Variants in TARS2 observed in about 807,000 individuals in gnomAD.
TARS2 encodes threonyl-tRNA synthetase 2, mitochondrial, also known as threonine--tRNA ligase, mitochondrial.
In TARS2, 61 loss-of-function variants were observed where a neutral mutation model predicts 94.4. The observed-to-expected ratio is 0.65, with a 90% CI of 0.53 to 0.80. The LOEUF (loss-of-function observed/expected upper bound fraction) is 0.80. TARS2 is among the 30% of genes least tolerant of loss of function. The pLI is 0.00. For missense variants in TARS2, 704 were observed against 902.5 expected (o/e 0.78, Z 2.82); for synonymous variants, 359 against 353.4 (o/e 1.02, Z -0.18).
At chr1:150,493,006 C>T (rs916282410) in intron 7 of TARS2, among the ~76,000 whole-genome samples, 3 of 151,578 alleles carry the variant, frequency 2.0e-5, no homozygotes, top group Non-Finnish European at 4.4e-5. Flanking sequence ...CTTCAGCCTC[C>T]CGAGTAGCTG....
Position 150,496,583 on chromosome 1 carries a change from A to T in TARS2, c.876A>T (p.Ala292=), listed in dbSNP as rs1669672771. ...PTTELLRVWE[A]WREEAELRDH... is the part of the protein sequence containing the mutation. ...CAGAATTGCTGAGGGTCTGGGAAGC[A>T]TGGAGGGAGGAAGCAGAATTGCGGG... The change falls in exon 8 of 18, where the codon GCA becomes GCT. Residue 292 remains alanine, a synonymous_variant. Transcript: ENST00000369064. 2 of 1,614,084 alleles carry T rather than the reference A, an allele frequency of 1.2e-6. No individual in the cohort carries two copies. The highest frequency in any genetic ancestry group is 2.7e-5 in the African/African-American group (2 of 75,028).
chr1:150,494,587 A>G (rs12023378), intron 7 of TARS2, among the ~76,000 whole-genome samples: 47,247 of 151,804 alleles, frequency 0.31, 8,424 homozygotes, highest in Non-Finnish European at 0.4. Flanking sequence ...TAAAAATAAA[A>G]AATTAGCTGG....
At chr1:150,489,496 C>T (rs1669286066) in intron 3 of TARS2, among the ~76,000 whole-genome samples, 1 of 152,050 alleles carries the variant, frequency 6.6e-6, no homozygotes, top group South Asian at 2.1e-4. Context: ...CAGACCTTGC[C>T]TATTAGGATC....
At chr1:150,489,137 T>C (rs587758564) in intron 3 of TARS2, 50 bp downstream of exon 3, 13 of 1,612,752 alleles carry the variant, frequency 8.1e-6, no homozygotes, top group East Asian at 2.2e-5. Context: ...CCAAGAGATA[T>C]TGAAGCAGGA....
rs116476409 is a variant in TARS2 at position 150,498,580 on chromosome 1, C to G, written c.1317C>G (p.Ala439=). 1 of 1,610,782 alleles carries G rather than the reference C, an allele frequency of 6.2e-7. No homozygotes were observed. The highest frequency in any genetic ancestry group is 8.5e-7 in the Non-Finnish European group (1 of 1,179,154). Residue 439 remains alanine (A), a synonymous_variant, in exon 11 of 18, where the codon GCC becomes GCG. Coordinates refer to ENST00000369064, the MANE Select transcript of TARS2 (RefSeq NM_025150.5). ...CTGACTTTGGGGCTCTACACCGGGC[C>G]GAAGCCTCTGGTGGTCTGGGGGGAC... The part of the protein sequence containing the change: ...RLADFGALHR[A]EASGGLGGLT...
At chr1:150,505,498 C>A in intron 16 of TARS2, 93 bp from the exon 17 acceptor site, 1 of 1,125,338 alleles carries the variant, frequency 8.9e-7, no homozygotes, top group Non-Finnish European at 1.3e-6. Flanking sequence ...AAAGGAGGAA[C>A]AGATGGGGGC....
chr1:150,499,562 C>T (rs904148855), intron 13 of TARS2, among the ~76,000 whole-genome samples: 3 of 152,072 alleles, frequency 2.0e-5, no homozygotes, highest in Non-Finnish European at 2.9e-5. Context: ...GATGGGGTTT[C>T]GCCATGTTGG....
chr1:150,491,961 GTTTTT>G (rs367685337), intron 6 of TARS2: 15 of 128,734 alleles, frequency 1.2e-4, no homozygotes, highest in East Asian at 6.9e-4. Context: ...TGCCTGGCTA[GTTTTT>G]TTTTTTTTTT....
chr1:150,496,971 A>G, intron 9 of TARS2, 63 bp downstream of exon 9: 1 of 1,526,872 alleles, frequency 6.5e-7, no homozygotes, highest in Non-Finnish European at 9.0e-7. Context: ...AGAAGAAGCT[A>G]AGGTGTTTGT....
intron 14 of TARS2, 57 bp from the exon 15 acceptor site, chr1:150,504,575 G>A: frequency 6.3e-7 from 1 of 1,592,448 alleles, no homozygotes; most frequent in South Asian, 1.1e-5. Context: ...GTGATCTTGG[G>A]TACACAATTC....
rs997723395 is a variant in TARS2, at chr1:150,507,118, A to G, written c.*54A>G. On this transcript the variant is annotated 3_prime_UTR_variant, in exon 18 of 18. Coordinates refer to ENST00000369064, the MANE Select transcript of TARS2 (RefSeq NM_025150.5). The stretch of plus-strand genomic sequence containing the variant: ...TGCGAGTGCCATCAGCCTCCCTCAC[A>G]TGGGAGACCCCAACCCAGCTGACAA... 24 of 1,604,716 alleles carry G rather than the reference A, an allele frequency of 1.5e-5. No individual in the cohort carries two copies. The highest frequency in any genetic ancestry group is 2.1e-4 in the Middle Eastern group (1 of 4,844).
intron 13 of TARS2, among the ~76,000 whole-genome samples, chr1:150,501,810 CT>C (rs1217901706): frequency 2.0e-5 from 3 of 151,970 alleles, no homozygotes; most frequent in Non-Finnish European, 4.4e-5. Flanking sequence ...GAACAAAACC[CT>C]GTCTCAATAA....
At position 150,505,611 on chromosome 1, in the gene TARS2, T is replaced by C; in HGVS notation, c.1914T>C (p.Ala638=). The C allele has an allele frequency of 6.2e-7, 1 of 1,614,128 alleles. No homozygotes were observed. The highest frequency in any genetic ancestry group is 8.5e-7 in the Non-Finnish European group (1 of 1,179,996). The change falls in exon 17 of 18, where the codon GCT becomes GCC. Residue 638 remains alanine (A), a synonymous_variant. Transcript: ENST00000369064. ...YAKEAQQSLR[A]AGLVSDLDAD... ...TGCAGGCACAGCAGAGCCTGCGGGC[T>C]GCAGGACTGGTCAGTGACCTGGATG... is the stretch of plus-strand genomic sequence containing the variant.
At position 150,504,613 on chromosome 1, in the gene TARS2, C is replaced by CG. The variant is rs1670113869; in HGVS notation, c.1719-19_1719-18insG. On this transcript the variant is annotated intron_variant, in intron 14 of 17. Coordinates refer to ENST00000369064, the MANE Select transcript of TARS2 (RefSeq NM_025150.5). ...GATACTTCCACCATTCCATCCACCCCCCCCTTTTTCCTTTCAAGGCAGGCG... is the reference window on the plus strand; with the variant it reads ...GATACTTCCACCATTCCATCCACCCCGCCCCTTTTTCCTTTCAAGGCAGGCG... 6.2e-7 allele frequency: 1 copy of CG among 1,611,538 alleles called. No individual in the cohort carries two copies. Among genetic ancestry groups the CG allele is most frequent in the African/African-American group, 1.3e-5 (1 of 74,856 alleles).
At chr1:150,505,788 TTTGGGTTAA>T in intron 17 of TARS2, 83 bp downstream of exon 17, 1 of 1,336,340 alleles carries the variant, frequency 7.5e-7, no homozygotes, top group Non-Finnish European at 1.0e-6. Context: ...GTAATGCATA[TTTGGGTTAA>T]TTGGGGCTCA....
chr1:150,505,619 T>TG lies in TARS2; in HGVS notation c.1924dup (p.Val642GlyfsTer3). The TG allele has an allele frequency of 6.2e-7, 1 of 1,614,182 alleles. No homozygotes were observed. The highest frequency in any genetic ancestry group is 8.5e-7 in the Non-Finnish European group (1 of 1,180,036). The stretch of plus-strand genomic sequence containing the variant: ...CAGCAGAGCCTGCGGGCTGCAGGAC[T>TG]GGTCAGTGACCTGGATGCAGACTCT... On this transcript the variant is annotated frameshift_variant, in exon 17 of 18. Transcript: ENST00000369064. LOFTEE classifies it high-confidence loss of function.
chr1:150,498,502 C>G lies in TARS2; in HGVS notation c.1239C>G (p.Cys413Trp). The G allele has an allele frequency of 6.4e-7, 1 of 1,574,422 alleles. No individual in the cohort carries two copies. The highest frequency in any genetic ancestry group is 1.4e-5 in the African/African-American group (1 of 72,942). The change falls in exon 11 of 18, where the codon TGC (cysteine) becomes TGG (tryptophan). Residue 413 changes from cysteine (C) to tryptophan (W), a missense_variant and splice_region_variant. Transcript: ENST00000369064. The stretch of plus-strand genomic sequence containing the variant: ...TGACCCCTCTGCACCCCAACCTCAG[C>G]CTGATGTTCGCCCACCGGCCCAGAT... ...ALKPMNCPAHCLMFAHRPRSW... is the reference protein window; with the variant it reads ...ALKPMNCPAHWLMFAHRPRSW...
At position 150,504,723 on chromosome 1, in the gene TARS2, G is replaced by A. The variant is rs765061659; in HGVS notation, c.1810G>A (p.Gly604Arg). 10 of 1,614,026 alleles carry A rather than the reference G, an allele frequency of 6.2e-6. No individual in the cohort carries two copies. The highest frequency in any genetic ancestry group is 3.3e-5 in the South Asian group (3 of 91,082). The change falls in exon 15 of 18, where the codon GGG (glycine) becomes AGG (arginine). Residue 604 changes from glycine (G) to arginine (R), a missense_variant. Physicochemically the swap from Gly to Arg is moderately radical, Grantham distance 125. Coordinates refer to ENST00000369064, the MANE Select transcript of TARS2 (RefSeq NM_025150.5). ...GTTGGGAGTGCTGGCAGAAAGCTGC[G>A]GGGGGAAATGGTGAGACCTCTGACC... ...RLLGVLAESCGGKWPLWLSPF... is the reference protein window; with the variant it reads ...RLLGVLAESCRGKWPLWLSPF...
In TARS2 at chr1:150,487,470, G is replaced by A. The variant is rs746757094; in HGVS notation, c.20G>A (p.Trp7Ter). 7 of 1,614,126 alleles carry A rather than the reference G, an allele frequency of 4.3e-6. No homozygotes were observed. The highest frequency in any genetic ancestry group is 5.9e-6 in the Non-Finnish European group (7 of 1,180,048). The change falls in exon 1 of 18, where the codon TGG (tryptophan) becomes TAG (stop). Residue 7 changes from tryptophan (W) to a stop codon, truncating the protein, a stop_gained. Transcript: ENST00000369064. LOFTEE classifies it high-confidence loss of function. ...AGGAACATGGCCCTGTATCAGAGGT[G>A]GCGGTGTCTCCGGCTCCAAGGTTTA... is the stretch of plus-strand genomic sequence containing the variant. MALYQRWRCLRLQGLQA... is the reference protein window; with the variant it reads MALYQR
Sources: allele counts gnomAD v4.1 joint callset (sites outside exome capture counted in the v4.1 genomes callset), GRCh38; gene constraint gnomAD v4.1.1; transcripts MANE v1.5; gene names NCBI Gene and HGNC (gene_info 2026-07-23, HGNC 2026-07-21).